The following PLEKHA8 variants were observed in gnomAD, a reference collection of about 807,000 sequenced individuals.
PLEKHA8 encodes the protein pleckstrin homology domain containing A8, also known as pleckstrin homology domain-containing family A member 8.
Under a neutral mutation model 68.2 loss-of-function variants are expected in PLEKHA8, and 36 were observed. The observed-to-expected ratio is 0.53, with a 90% CI of 0.40 to 0.70. The LOEUF (loss-of-function observed/expected upper bound fraction) is 0.70. Among genes scored for constraint, PLEKHA8 ranks in the 30% least tolerant of loss-of-function variants. PLEKHA8 has a pLI of 0.00. For missense variants in PLEKHA8, 505 were observed against 615.4 expected (o/e 0.82, Z 1.90); for synonymous variants, 211 against 216.1 (o/e 0.98, Z 0.20).
intron 13 of PLEKHA8, among the ~76,000 whole-genome samples, chr7:30,103,083 A>T (rs938674410): frequency 2.0e-5 from 3 of 151,790 alleles, no homozygotes; most frequent in Non-Finnish European, 4.4e-5. Context: ...AAAAAGAAAG[A>T]GAGAGAGAGA....
chr7:30,114,079 AATAGAG>A (rs1269480369), intron 13 of PLEKHA8, among the ~76,000 whole-genome samples: 1 of 151,920 alleles, frequency 6.6e-6, no homozygotes, highest in Non-Finnish European at 1.5e-5. Context: ...TTGTATTTTT[AATAGAG>A]ACAGGGTTTT....
chr7:30,115,971 TGC>T lies in PLEKHA8; in HGVS notation c.1363-13294_1363-13293del, dbSNP rs371675002. The stretch of plus-strand genomic sequence containing the variant: ...ATACGCATACATGCATGCATACATG[TGC>T]ATGCATGCATGTATGCATACGCATA... On this transcript the variant is annotated intron_variant, in intron 13 of 13. Transcript: ENST00000396257. 5.8e-5 allele frequency: 6 copies of T among 104,196 alleles called. 1 individual carries two copies. The East Asian group carries it at 1.0e-3, about 17-fold the overall frequency. The allele number at this position is 104,196 out of a possible 1,614,324, so 6.5% of individuals were successfully genotyped here.
rs1794925792 is a variant in PLEKHA8, at chr7:30,081,459, T to C, written c.*2672T>C. Reference sequence around the variant, plus strand: ...AGAGCTTCCTCCTACATCTAAAGTATTTGCTCTCTGTTTTAGTTAAAGTCA... The same window carrying C: ...AGAGCTTCCTCCTACATCTAAAGTACTTGCTCTCTGTTTTAGTTAAAGTCA... On this transcript the variant is annotated 3_prime_UTR_variant, in exon 14 of 14. Transcript: ENST00000449726. 4.1e-6 allele frequency: 4 copies of C among 984,894 alleles called. No homozygotes were observed. In the African/African-American group the frequency reaches 5.2e-5, roughly 13 times the overall value. 61.0% of individuals were successfully genotyped at this position (984,894 alleles called of 1,614,324 possible). A position where few individuals can be genotyped will look rare whatever the true frequency, so the allele number is the denominator to read the frequency against.
intron 13 of PLEKHA8, chr7:30,129,162 C>T (rs1796831764): frequency 3.9e-6 from 6 of 1,522,410 alleles, no homozygotes; most frequent in Non-Finnish European, 5.5e-6. Flanking sequence ...ACTACTGATA[C>T]AAAGGAAACA....
intron 13 of PLEKHA8, among the ~76,000 whole-genome samples, chr7:30,110,965 C>T (rs756886840): frequency 2.5e-4 from 38 of 150,408 alleles, no homozygotes; most frequent in Admixed American, 2.1e-3. Flanking sequence ...AGTGCAGTGG[C>T]GCGATCTTGG....
At chr7:30,069,733 C>A (rs142981921) in intron 12 of PLEKHA8, 1 of 152,036 alleles carries the variant, frequency 6.6e-6, no homozygotes, top group Non-Finnish European at 1.5e-5. Flanking sequence ...CAAGAGTGTC[C>A]CCAGGTCTCA....
At chr7:30,098,989 C>T (rs1223905895) in intron 13 of PLEKHA8, among the ~76,000 whole-genome samples, 1 of 152,230 alleles carries the variant, frequency 6.6e-6, no homozygotes, top group Non-Finnish European at 1.5e-5. Context: ...CTCCTGACCT[C>T]AGGTGATCCA....
intron 9 of PLEKHA8, among the ~76,000 whole-genome samples, chr7:30,056,341 A>G (rs948812699): frequency 2.4e-5 from 3 of 127,538 alleles, no homozygotes; most frequent in African/African-American, 8.9e-5. Flanking sequence ...TAAATAACAT[A>G]TATATAATAT....
intron 13 of PLEKHA8, among the ~76,000 whole-genome samples, chr7:30,114,419 G>T (rs1181374371): frequency 2.0e-5 from 3 of 152,240 alleles, no homozygotes; most frequent in Non-Finnish European, 2.9e-5. Flanking sequence ...ATAGTGACGA[G>T]ATTTGAACCC....
chr7:30,074,194 G>A, intron 13 of PLEKHA8, 62 bp downstream of exon 13: 1 of 1,444,324 alleles, frequency 6.9e-7, no homozygotes, highest in South Asian at 1.2e-5. Flanking sequence ...GCTAGGGCTA[G>A]AAATCTCTTC....
downstream of PLEKHA8, chr7:30,084,750 A>G: frequency 1.6e-6 from 1 of 619,880 alleles, no homozygotes; most frequent in Non-Finnish European, 2.0e-6. Context: ...GCATCAGTCT[A>G]AGCCGTTTAC....
downstream of PLEKHA8, among the ~76,000 whole-genome samples, chr7:30,091,420 C>G (rs1368340522): frequency 6.6e-6 from 1 of 152,060 alleles, no homozygotes; most frequent in Non-Finnish European, 1.5e-5. Flanking sequence ...CTTATAATGA[C>G]ATTTGCTTCA....
intron 13 of PLEKHA8, among the ~76,000 whole-genome samples, chr7:30,123,149 C>T (rs551404682): frequency 6.6e-6 from 1 of 152,286 alleles, no homozygotes; most frequent in South Asian, 2.1e-4. Flanking sequence ...AAGAATGAAC[C>T]TGGATTCTTC....
At position 30,080,438 on chromosome 7, in the gene PLEKHA8, ATC is replaced by A; in HGVS notation, c.*1652_*1653del. 1 of 985,196 alleles carries A rather than the reference ATC, an allele frequency of 1.0e-6. No individual in the cohort carries two copies. Among genetic ancestry groups the A allele is most frequent in the Non-Finnish European group, 1.2e-6 (1 of 829,914 alleles). The allele number at this position is 985,196 out of a possible 1,614,324, so 61.0% of individuals were successfully genotyped here. A position where few individuals can be genotyped will look rare whatever the true frequency, so the allele number is the denominator to read the frequency against. On this transcript the variant is annotated 3_prime_UTR_variant, in exon 14 of 14. Transcript: ENST00000449726. Reference sequence around the variant, plus strand: ...TGAGGGGCTTGGTTGAATTGAGAGCATCATCTCTAGATGATGCTGTTCCTGCT... The same window carrying A: ...TGAGGGGCTTGGTTGAATTGAGAGCAATCTCTAGATGATGCTGTTCCTGCT...
chr7:30,076,917 T>C (rs150182938), intron 13 of PLEKHA8, among the ~76,000 whole-genome samples: 1 of 152,326 alleles, frequency 6.6e-6, no homozygotes, highest in African/African-American at 2.4e-5. Flanking sequence ...AGCCAAATAG[T>C]GACCTTTTAA....
intron 13 of PLEKHA8, among the ~76,000 whole-genome samples, chr7:30,127,475 T>C (rs901088707): frequency 6.6e-6 from 1 of 152,256 alleles, no homozygotes; most frequent in Non-Finnish European, 1.5e-5. Flanking sequence ...AAGTGATTAA[T>C]ACTATATGGA....
chr7:30,116,997 T>G (rs1381986981), intron 13 of PLEKHA8, among the ~76,000 whole-genome samples: 1 of 152,222 alleles, frequency 6.6e-6, no homozygotes, highest in Admixed American at 6.5e-5. Flanking sequence ...TGTGTTTCAC[T>G]TGGTCTTGCA....
chr7:30,044,028 G>C (rs1791748638), intron 1 of PLEKHA8, among the ~76,000 whole-genome samples: 1 of 149,804 alleles, frequency 6.7e-6, no homozygotes. Context: ...GATAGTCAGG[G>C]ATGATTTTTT....
chr7:30,122,276 T>A (rs1044255075), intron 13 of PLEKHA8, among the ~76,000 whole-genome samples: 1 of 152,210 alleles, frequency 6.6e-6, no homozygotes, highest in African/African-American at 2.4e-5. Flanking sequence ...TATACATAGA[T>A]CATACAAGAC....
Sources: gnomAD v4.1 joint callset for allele counts (sites outside exome capture counted in the v4.1 genomes callset) on GRCh38, gnomAD v4.1.1 for gene constraint, MANE v1.5 for transcripts, NCBI Gene and HGNC (gene_info 2026-07-23, HGNC 2026-07-21) for gene names.